The following KCNQ1 variants were observed in gnomAD, a reference collection of about 807,000 sequenced individuals.
KCNQ1 encodes potassium voltage-gated channel subfamily KQT member 1.
Under a neutral mutation model 72.4 loss-of-function variants are expected in KCNQ1, and 49 were observed. The ratio of observed to expected loss-of-function variants is 0.68; its 90% CI spans 0.54 to 0.86. The LOEUF (loss-of-function observed/expected upper bound fraction) is 0.86. Among genes scored for constraint, KCNQ1 ranks in the 40% least tolerant of loss-of-function variants. The pLI, the probability that KCNQ1 is intolerant of heterozygous loss-of-function variation, is 0.00. For synonymous variants in KCNQ1, 450 were observed against 412.6 expected (o/e 1.09, Z -1.10); for missense variants, 790 against 945.1 (o/e 0.84, Z 2.15).
Position 2,696,665 on chromosome 11 carries a change from A to C in KCNQ1, c.1514+34584A>C, listed in dbSNP as rs1380366766. 1.5e-5 allele frequency: 6 copies of C among 398,556 alleles called. No individual in the cohort carries two copies. In the East Asian group the frequency reaches 2.1e-4, roughly 14 times the overall value. The allele number at this position is 398,556 out of a possible 1,614,324, so 24.7% of individuals were successfully genotyped here. On this transcript the variant is annotated intron_variant, in intron 11 of 15. Transcript: ENST00000155840. Reference sequence around the variant, plus strand: ...ATTTGGAAAATCCTGACGTCATTCTAATGCCAAGTTGCCCTGTTCAAGAAA... The same window carrying C: ...ATTTGGAAAATCCTGACGTCATTCTCATGCCAAGTTGCCCTGTTCAAGAAA...
chr11:2,553,883 T>C (rs1007594714), intron 2 of KCNQ1, among the ~76,000 whole-genome samples: 1 of 151,990 alleles, frequency 6.6e-6, no homozygotes, highest in African/African-American at 2.4e-5. Context: ...ACCCAGCTAA[T>C]TTTTGTATTT....
chr11:2,716,215 C>T (rs553892542), intron 11 of KCNQ1, among the ~76,000 whole-genome samples: 7 of 152,118 alleles, frequency 4.6e-5, no homozygotes, highest in Admixed American at 1.3e-4. Context: ...CAACATGTAC[C>T]CTCTCCGGGC....
intron 5 of KCNQ1, 144 bp from the exon 6 acceptor site, chr11:2,572,702 T>C (rs1325962362): frequency 3.8e-6 from 4 of 1,056,186 alleles, no homozygotes; most frequent in Non-Finnish European, 5.6e-6. Flanking sequence ...GTGGGCTATA[T>C]TGAAGCCGGC....
At chr11:2,619,962 TC>T (rs78583424) in intron 10 of KCNQ1, 1 of 349,658 alleles carries the variant, frequency 2.9e-6, no homozygotes. Flanking sequence ...GATAAGCCTA[TC>T]ACCCAGGTAG....
Position 2,764,452 on chromosome 11 carries a change from G to T in KCNQ1, c.1515-4392G>T, listed in dbSNP as rs189773348. ...TGCTACATGCAGCTTGCTGGTGGTG[G>T]TTAGGATATTTGCACGTATGTTCAC... On this transcript the variant is annotated intron_variant, in intron 11 of 15. Transcript: ENST00000155840. This position sits in a 1 kb window ranked among gnomAD's most constrained non-coding sequence, Gnocchi z 4.8. Among the ~76,000 whole-genome samples, 8 of 152,188 alleles carry T rather than the reference G, an allele frequency of 5.3e-5. No homozygotes were observed. The highest frequency in any genetic ancestry group is 5.2e-4 in the Admixed American group (8 of 15,298).
intron 10 of KCNQ1, chr11:2,628,763 C>T (rs1200916934): frequency 5.0e-6 from 2 of 398,234 alleles, no homozygotes; most frequent in East Asian, 3.6e-5. Context: ...GGTTTCAGGT[C>T]ATATGTTTAA....
intron 11 of KCNQ1, among the ~76,000 whole-genome samples, chr11:2,706,099 G>C (rs1046479132): frequency 1.3e-5 from 2 of 152,242 alleles, no homozygotes; most frequent in Non-Finnish European, 2.9e-5. Context: ...GGCTGTGGTG[G>C]TTTTAGTATG....
At chr11:2,519,758 G>A (rs1275044773) in intron 1 of KCNQ1, among the ~76,000 whole-genome samples, 3 of 133,456 alleles carry the variant, frequency 2.2e-5, no homozygotes, top group African/African-American at 8.7e-5. Flanking sequence ...TACTTACATA[G>A]TACAGCAGGT....
chr11:2,833,212 C>T (rs1204038108), intron 15 of KCNQ1, among the ~76,000 whole-genome samples: 1 of 152,170 alleles, frequency 6.6e-6, no homozygotes, highest in African/African-American at 2.4e-5. Flanking sequence ...ACGCAAGGGG[C>T]CCACGCGCCA....
chr11:2,677,259 TATAAAG>T lies in KCNQ1; in HGVS notation c.1514+15180_1514+15185del. The T allele has an allele frequency of 2.5e-6, 1 of 397,328 alleles. No individual in the cohort carries two copies. The highest frequency in any genetic ancestry group is 4.4e-6 in the Non-Finnish European group (1 of 226,014). 24.6% of individuals were successfully genotyped at this position (397,328 alleles called of 1,614,324 possible). ...AGCACACACAAAGTAAAGAGGAACT[TATAAAG>T]AGGAACTGTAAATCTTGTCAAAATA... On this transcript the variant is annotated intron_variant, in intron 11 of 15. Coordinates refer to ENST00000155840, the MANE Select transcript of KCNQ1 (RefSeq NM_000218.3). This position sits in a 1 kb window ranked among gnomAD's most constrained non-coding sequence, Gnocchi z 4.5.
intron 11 of KCNQ1, among the ~76,000 whole-genome samples, chr11:2,732,573 G>A (rs765466576): frequency 3.3e-5 from 5 of 152,234 alleles, no homozygotes; most frequent in Non-Finnish European, 7.3e-5. Context: ...TACAGCAGGC[G>A]CGAGCGAAGG....
At chr11:2,753,868 G>A (rs1465230291) in intron 11 of KCNQ1, among the ~76,000 whole-genome samples, 2 of 152,170 alleles carry the variant, frequency 1.3e-5, no homozygotes, top group Non-Finnish European at 2.9e-5. Flanking sequence ...AAGGAACTGA[G>A]ACATCTGTGG....
Position 2,468,231 on chromosome 11 carries a change from C to T in KCNQ1, c.386+22747C>T, listed in dbSNP as rs969242575. Reference sequence around the variant, plus strand: ...GTGTGATCTTGGTTCACTGCAGCCTCGACCTCCCTGGCTCAAGAGATCCTC... The same window carrying T: ...GTGTGATCTTGGTTCACTGCAGCCTTGACCTCCCTGGCTCAAGAGATCCTC... On this transcript the variant is annotated intron_variant, in intron 1 of 15. Coordinates refer to ENST00000155840, the MANE Select transcript of KCNQ1 (RefSeq NM_000218.3). The surrounding 1 kb of genome is among the most constrained non-coding windows in gnomAD (Gnocchi z 5.7). 1.3e-5 allele frequency among the ~76,000 whole-genome samples: 2 copies of T among 152,142 alleles called. No homozygotes were observed. The highest frequency in any genetic ancestry group is 2.4e-5 in the African/African-American group (1 of 41,410).
intron 15 of KCNQ1, among the ~76,000 whole-genome samples, chr11:2,806,134 C>T (rs953252461): frequency 5.3e-5 from 8 of 152,204 alleles, no homozygotes; most frequent in Admixed American, 5.2e-4. Context: ...GTGCCCAAAA[C>T]ATCACCTTAC....
chr11:2,680,800 A>G lies in KCNQ1; in HGVS notation c.1514+18719A>G, dbSNP rs1850384221. On this transcript the variant is annotated intron_variant, in intron 11 of 15. Transcript: ENST00000155840. ...TTCTTTATCATTCCAAGAAAATTAT[A>G]TAAATGGAACCACATAGCAAATCAC... The G allele has an allele frequency of 2.0e-5, 8 of 397,668 alleles. No homozygotes were observed. The South Asian group carries it at 1.0e-3, about 51-fold the overall frequency. 24.6% of individuals were successfully genotyped at this position (397,668 alleles called of 1,614,324 possible).
rs892903006 is a variant in KCNQ1, at chr11:2,746,309, T to G, written c.1515-22535T>G. Among the ~76,000 whole-genome samples, 1 of 152,214 alleles carries G rather than the reference T, an allele frequency of 6.6e-6. No homozygotes were observed. Among genetic ancestry groups the G allele is most frequent in the Non-Finnish European group, 1.5e-5 (1 of 68,040 alleles). ...GGTGCCCTTCCCCCAGCAGCCCTAT[T>G]ATCAGCATCTCACATTAGTATGCAT... On this transcript the variant is annotated intron_variant, in intron 11 of 15. Transcript: ENST00000155840. This position sits in a 1 kb window ranked among gnomAD's most constrained non-coding sequence, Gnocchi z 5.9.
At chr11:2,811,688 T>A (rs1020943040) in intron 15 of KCNQ1, among the ~76,000 whole-genome samples, 1 of 152,044 alleles carries the variant, frequency 6.6e-6, no homozygotes, top group Non-Finnish European at 1.5e-5. Context: ...AGCACAAGGG[T>A]CAGCAGACCC....
chr11:2,497,011 G>T lies in KCNQ1; in HGVS notation c.387-30917G>T, dbSNP rs550466789. Among the ~76,000 whole-genome samples, 1 of 152,176 alleles carries T rather than the reference G, an allele frequency of 6.6e-6. No homozygotes were observed. On this transcript the variant is annotated intron_variant, in intron 1 of 15. Transcript: ENST00000155840. This position sits in a 1 kb window ranked among gnomAD's most constrained non-coding sequence, Gnocchi z 4.5. ...ATTGGCTCCCACTCTCTTCTGGCTT[G>T]TAGGGTTTCTGCAGAGAGATTTGCT...
rs188906728 is a variant in KCNQ1, at chr11:2,734,991, C to G, written c.1515-33853C>G. 6.6e-6 allele frequency among the ~76,000 whole-genome samples: 1 copy of G among 152,224 alleles called. No individual in the cohort carries two copies. The highest frequency in any genetic ancestry group is 1.9e-4 in the East Asian group (1 of 5,132). On this transcript the variant is annotated intron_variant, in intron 11 of 15. Transcript: ENST00000155840. This position sits in a 1 kb window ranked among gnomAD's most constrained non-coding sequence, Gnocchi z 7.0. The stretch of plus-strand genomic sequence containing the variant: ...CCGCGTGCCCAGCCGGCTGTGCACG[C>G]TGCCCCAGGCTGGTGGGGTAAGCGC...
Sources: allele counts gnomAD v4.1 joint callset (sites outside exome capture counted in the v4.1 genomes callset), GRCh38; gene constraint gnomAD v4.1.1; non-coding constraint Gnocchi (gnomAD v3.1); transcripts MANE v1.5; gene names NCBI Gene and HGNC (gene_info 2026-07-23, HGNC 2026-07-21).